The following CAPN13 variants were observed in gnomAD, a reference collection of about 807,000 sequenced individuals.
CAPN13 encodes calpain 13, also known as calpain-13.
In CAPN13, 90 loss-of-function variants were observed where a neutral mutation model predicts 98.4. The ratio of observed to expected loss-of-function variants is 0.92; its 90% CI spans 0.77 to 1.09. The LOEUF is 1.09. CAPN13 is among the 50% of genes least tolerant of loss of function. The probability of loss-of-function intolerance (pLI) is 0.00; values close to 1 mark genes in which losing one functional copy is unlikely to be tolerated. For missense variants in CAPN13, 887 were observed against 841.3 expected (o/e 1.05, Z -0.67); for synonymous variants, 330 against 305.5 (o/e 1.08, Z -0.84).
chr2:30,781,648 C>T (rs1022248385), intron 2 of CAPN13, among the ~76,000 whole-genome samples: 21 of 152,316 alleles, frequency 1.4e-4, no homozygotes, highest in African/African-American at 3.8e-4. Flanking sequence ...GGAATTACAT[C>T]ATCCATTCTC....
At chr2:30,768,520 C>G (rs1210240827) in intron 5 of CAPN13, among the ~76,000 whole-genome samples, 2 of 152,200 alleles carry the variant, frequency 1.3e-5, no homozygotes, top group Admixed American at 6.5e-5. Context: ...CTTGCTCCAG[C>G]CCCTGGGGAC....
chr2:30,734,304 A>C, intron 19 of CAPN13, 145 bp downstream of exon 19: 1 of 643,468 alleles, frequency 1.6e-6, no homozygotes, highest in Non-Finnish European at 2.8e-6. Flanking sequence ...CCCCAGGGTC[A>C]GTGTGAACTG....
At chr2:30,752,321 C>T (rs898210948) in intron 10 of CAPN13, among the ~76,000 whole-genome samples, 3 of 152,184 alleles carry the variant, frequency 2.0e-5, no homozygotes, top group Admixed American at 6.5e-5. Context: ...GTTTACGCAG[C>T]CTCTTTTATC....
intron 8 of CAPN13, among the ~76,000 whole-genome samples, chr2:30,757,296 T>C (rs1431293290): frequency 6.6e-6 from 1 of 152,204 alleles, no homozygotes; most frequent in Non-Finnish European, 1.5e-5. Context: ...GTCTCTTTCA[T>C]AGTCAGCAAG....
At chr2:30,735,199 A>G (rs953747727) in intron 18 of CAPN13, among the ~76,000 whole-genome samples, 1 of 152,178 alleles carries the variant, frequency 6.6e-6, no homozygotes, top group Non-Finnish European at 1.5e-5. Context: ...AATTCTCTGT[A>G]TAATCCTGGT....
chr2:30,760,558 A>G (rs1292495333), intron 7 of CAPN13, among the ~76,000 whole-genome samples: 1 of 152,144 alleles, frequency 6.6e-6, no homozygotes, highest in East Asian at 1.9e-4. Flanking sequence ...GGTGCATAAT[A>G]AAAAATGCCG....
In CAPN13 at chr2:30,742,739, T is replaced by C. The variant is rs533999287; in HGVS notation, c.1446-380A>G. Among the ~76,000 whole-genome samples the C allele has an allele frequency of 7.0e-4, 106 of 152,288 alleles. 2 individuals carry two copies. The highest frequency in any genetic ancestry group is 2.4e-3 in the African/African-American group (100 of 41,572). On this transcript the variant is annotated intron_variant, in intron 13 of 22. Transcript: ENST00000295055. The stretch of plus-strand genomic sequence containing the variant: ...TCAGCTGCAAAGACTGCCATAATGA[T>C]GGCAATGTCTGTCTTGGGCCCAAGA...
At chr2:30,805,168 T>C (rs906379790) in intron 1 of CAPN13, among the ~76,000 whole-genome samples, 33 of 152,238 alleles carry the variant, frequency 2.2e-4, no homozygotes, top group African/African-American at 7.5e-4. Context: ...TAACTCCCCA[T>C]AGGGCAAGCT....
chr2:30,750,961 G>T, intron 11 of CAPN13, 142 bp downstream of exon 11: 1 of 911,038 alleles, frequency 1.1e-6, no homozygotes, highest in Non-Finnish European at 1.6e-6. Context: ...GACTTGGACT[G>T]CATGAATGCT....
chr2:30,781,155 C>T (rs1673966141), intron 2 of CAPN13, among the ~76,000 whole-genome samples: 2 of 152,218 alleles, frequency 1.3e-5, no homozygotes, highest in Non-Finnish European at 1.5e-5. Flanking sequence ...GAGACCCAGC[C>T]AGGGCCAAGG....
At position 30,742,371 on chromosome 2, in the gene CAPN13, G is replaced by A. The variant is rs1417139949; in HGVS notation, c.1446-12C>T. ...GGCTGCTCAGGTGCCTAGAAAATCA[G>A]AGGACAGTGTGACAAAGATGACCAG... On this transcript the variant is annotated splice_polypyrimidine_tract_variant and intron_variant, in intron 13 of 22. Transcript: ENST00000295055. 2.5e-6 allele frequency: 4 copies of A among 1,602,908 alleles called. No homozygotes were observed. The highest frequency in any genetic ancestry group is 3.4e-6 in the Non-Finnish European group (4 of 1,174,734).
chr2:30,778,808 T>G (rs535771803), intron 2 of CAPN13, among the ~76,000 whole-genome samples: 12 of 152,268 alleles, frequency 7.9e-5, no homozygotes, highest in African/African-American at 2.9e-4. Flanking sequence ...GGAGGGGAAC[T>G]CTCAGGCCCA....
intron 5 of CAPN13, among the ~76,000 whole-genome samples, chr2:30,766,299 C>T (rs968552521): frequency 6.6e-6 from 1 of 152,244 alleles, no homozygotes; most frequent in Non-Finnish European, 1.5e-5. Flanking sequence ...CCTGCACCCA[C>T]AGCATCCGGC....
chr2:30,753,325 A>G (rs1311800410), intron 9 of CAPN13, 127 bp from the exon 10 acceptor site: 14 of 924,560 alleles, frequency 1.5e-5, no homozygotes, highest in Non-Finnish European at 2.1e-5. Flanking sequence ...CTCATTCACC[A>G]TCAAGCACCC....
intron 1 of CAPN13, among the ~76,000 whole-genome samples, chr2:30,801,466 G>C (rs1030644270): frequency 6.6e-6 from 1 of 151,810 alleles, no homozygotes; most frequent in Non-Finnish European, 1.5e-5. Context: ...CTAGCTGGGC[G>C]TGGTGGTGTG....
chr2:30,796,447 A>C (rs1674889127), intron 1 of CAPN13, among the ~76,000 whole-genome samples: 1 of 151,958 alleles, frequency 6.6e-6, no homozygotes, highest in Admixed American at 6.6e-5. Flanking sequence ...TGGAATAGCT[A>C]AGAATCATTG....
chr2:30,795,851 TA>T (rs1674829933), intron 1 of CAPN13, among the ~76,000 whole-genome samples: 1 of 152,048 alleles, frequency 6.6e-6, no homozygotes, highest in Non-Finnish European at 1.5e-5. Context: ...AGAAACTTTG[TA>T]AGAGATTCTC....
Position 30,731,376 on chromosome 2 carries a change from C to T in CAPN13, c.1951G>A (p.Asp651Asn), listed in dbSNP as rs267599339. Residue 651 changes from aspartate to asparagine, a missense_variant, in exon 21 of 23, where the codon GAT becomes AAT. Coordinates refer to ENST00000295055, the MANE Select transcript of CAPN13 (RefSeq NM_144575.3). ...MAKTFRNLSK[D>N]GKGLYLTEME... ...TCTGTCAGGTAGAGTCCTTTTCCATCCTTAGAGAGGTTGCGGAAGGTCTCT... is the reference window on the plus strand; with the variant it reads ...TCTGTCAGGTAGAGTCCTTTTCCATTCTTAGAGAGGTTGCGGAAGGTCTCT... 1.2e-6 allele frequency: 2 copies of T among 1,610,898 alleles called. No individual in the cohort carries two copies. The highest frequency in any genetic ancestry group is 2.2e-5 in the South Asian group (2 of 90,520).
chr2:30,773,573 G>A (rs1374625911), intron 4 of CAPN13, among the ~76,000 whole-genome samples: 1 of 152,142 alleles, frequency 6.6e-6, no homozygotes, highest in East Asian at 1.9e-4. Context: ...AGGAATATCA[G>A]GTAAAGAGGA....
Sources: gnomAD v4.1 joint callset for allele counts (sites outside exome capture counted in the v4.1 genomes callset) on GRCh38, gnomAD v4.1.1 for gene constraint, MANE v1.5 for transcripts, NCBI Gene and HGNC (gene_info 2026-07-23, HGNC 2026-07-21) for gene names.